MPC1: variants seen among roughly 807,000 people sequenced by gnomAD.
The protein encoded by MPC1 is HSPC040 protein.
MPC1 carries 6 observed loss-of-function variants against 13.9 expected under a neutral mutation model. The ratio of observed to expected loss-of-function variants is 0.43; its 90% CI spans 0.24 to 0.85. The LOEUF is 0.85. MPC1 is among the 40% of genes least tolerant of loss of function. The pLI is 0.24. For synonymous variants in MPC1, 47 were observed against 50.5 expected (o/e 0.93, Z 0.29); for missense variants, 115 against 143.3 (o/e 0.80, Z 1.01).
chr6:166,372,616 C>T (rs1321892599), intron 1 of MPC1, among the ~76,000 whole-genome samples: 2 of 152,014 alleles, frequency 1.3e-5, no homozygotes, highest in Non-Finnish European at 2.9e-5. Context: ...ACTCAACATC[C>T]CTCAATTCTA....
intron 1 of MPC1, among the ~76,000 whole-genome samples, chr6:166,373,030 T>C (rs1202555310): frequency 6.6e-6 from 1 of 152,120 alleles, no homozygotes; most frequent in African/African-American, 2.4e-5. Context: ...CACAGTAAAA[T>C]TGAACCAAAG....
At chr6:166,368,479 G>A (rs760296506) in intron 2 of MPC1, among the ~76,000 whole-genome samples, 22 of 151,662 alleles carry the variant, frequency 1.5e-4, no homozygotes, top group Non-Finnish European at 3.1e-4. Flanking sequence ...GCTTGAACCC[G>A]GGAGGTGAAG....
chr6:166,382,337 T>C (rs1779823883), intron 1 of MPC1, among the ~76,000 whole-genome samples: 1 of 150,730 alleles, frequency 6.6e-6, no homozygotes, highest in Non-Finnish European at 1.5e-5. Context: ...GCGTCCACTG[T>C]TATGCCTACC....
intron 1 of MPC1, among the ~76,000 whole-genome samples, chr6:166,375,937 C>A (rs1457875319): frequency 6.6e-6 from 1 of 152,132 alleles, no homozygotes; most frequent in Non-Finnish European, 1.5e-5. Context: ...TATGTCCGTA[C>A]TGATTTTCTA....
In MPC1 at chr6:166,366,900, A is replaced by C; in HGVS notation, c.76-9T>G. The C allele has an allele frequency of 1.2e-6, 2 of 1,613,968 alleles. No homozygotes were observed. Among genetic ancestry groups the C allele is most frequent in the South Asian group, 2.2e-5 (2 of 91,076 alleles). ...ACTGGGCCCCAGAAGTGCTACAAAA[A>C]ATGAGAGGAAAAGAATGAAGAGAGG... On this transcript the variant is annotated splice_polypyrimidine_tract_variant and intron_variant, in intron 2 of 4. Transcript: ENST00000360961.
chr6:166,381,920 G>T, intron 1 of MPC1: 1 of 665,612 alleles, frequency 1.5e-6, no homozygotes, highest in Non-Finnish European at 1.9e-6. Flanking sequence ...TATTTCCGCT[G>T]TCCCAGAAGC....
At chr6:166,374,589 T>C (rs1779503120) in intron 1 of MPC1, among the ~76,000 whole-genome samples, 1 of 152,224 alleles carries the variant, frequency 6.6e-6, no homozygotes, top group Non-Finnish European at 1.5e-5. Context: ...CCTTTTTGGG[T>C]GAATTTTTGT....
At chr6:166,367,135 C>T (rs1246142186) in intron 2 of MPC1, 5 of 1,328,954 alleles carry the variant, frequency 3.8e-6, no homozygotes, top group African/African-American at 1.5e-5. Context: ...TGGCAGCTTC[C>T]CAAGGTCCCT....
chr6:166,369,011 G>C, intron 2 of MPC1: 1 of 877,284 alleles, frequency 1.1e-6, no homozygotes, highest in Non-Finnish European at 1.4e-6. Flanking sequence ...TTGTGAATGT[G>C]TCTTCTTTCA....
chr6:166,377,526 AACTT>A (rs1406743601), intron 1 of MPC1, among the ~76,000 whole-genome samples: 1 of 152,238 alleles, frequency 6.6e-6, no homozygotes, highest in Non-Finnish European at 1.5e-5. Context: ...AGTAATTTAT[AACTT>A]ACTTATGTAG....
intron 1 of MPC1, among the ~76,000 whole-genome samples, chr6:166,374,889 T>C (rs1300407128): frequency 6.6e-6 from 1 of 152,224 alleles, no homozygotes; most frequent in Non-Finnish European, 1.5e-5. Context: ...CCTCCAACTT[T>C]GTTCTCCTCC....
intron 1 of MPC1, among the ~76,000 whole-genome samples, chr6:166,370,644 A>G (rs1779344261): frequency 6.6e-6 from 1 of 152,238 alleles, no homozygotes; most frequent in Non-Finnish European, 1.5e-5. Flanking sequence ...GCTTGAGGCC[A>G]GGAATTCACT....
chr6:166,366,894 A>G lies in MPC1; in HGVS notation c.76-3T>C, dbSNP rs1229983435. The G allele has an allele frequency of 1.9e-6, 3 of 1,613,938 alleles. No individual in the cohort carries two copies. The highest frequency in any genetic ancestry group is 1.7e-6 in the Non-Finnish European group (2 of 1,179,902). On this transcript the variant is annotated splice_polypyrimidine_tract_variant and splice_region_variant and intron_variant, in intron 2 of 4. Coordinates refer to ENST00000360961, the MANE Select transcript of MPC1 (RefSeq NM_016098.4). Reference sequence around the variant, plus strand: ...TTGGCTACTGGGCCCCAGAAGTGCTACAAAAAATGAGAGGAAAAGAATGAA... The same window carrying G: ...TTGGCTACTGGGCCCCAGAAGTGCTGCAAAAAATGAGAGGAAAAGAATGAA...
At chr6:166,366,335 T>C (rs1178222031) in intron 3 of MPC1, among the ~76,000 whole-genome samples, 1 of 152,252 alleles carries the variant, frequency 6.6e-6, no homozygotes, top group Non-Finnish European at 1.5e-5. Flanking sequence ...TTAAGGAACA[T>C]ATTTCCGAGC....
At chr6:166,367,115 A>G in intron 2 of MPC1, 1 of 1,373,534 alleles carries the variant, frequency 7.3e-7, no homozygotes, top group South Asian at 1.4e-5. Flanking sequence ...GCCCAGAGCT[A>G]GAAAGGGTTT....
intron 1 of MPC1, among the ~76,000 whole-genome samples, chr6:166,377,889 CA>C (rs1442511219): frequency 6.6e-6 from 1 of 152,212 alleles, no homozygotes; most frequent in Non-Finnish European, 1.5e-5. Context: ...GGGAAGTGCT[CA>C]AAGAGTCCAA....
At chr6:166,380,378 G>A (rs1219933094) in intron 1 of MPC1, among the ~76,000 whole-genome samples, 1 of 152,114 alleles carries the variant, frequency 6.6e-6, no homozygotes, top group Non-Finnish European at 1.5e-5. Flanking sequence ...TCTTAGTGTG[G>A]TGCTCTACCA....
chr6:166,377,393 G>GAGGCAGGC (rs1361043714), intron 1 of MPC1, among the ~76,000 whole-genome samples: 1 of 152,190 alleles, frequency 6.6e-6, no homozygotes, highest in Non-Finnish European at 1.5e-5. Context: ...GGCAGAAGTG[G>GAGGCAGGC]AGGCAGGCAG....
chr6:166,379,774 T>C (rs1195952274), intron 1 of MPC1, among the ~76,000 whole-genome samples: 2 of 152,204 alleles, frequency 1.3e-5, no homozygotes, highest in Non-Finnish European at 1.5e-5. Flanking sequence ...TGTTTCTGAT[T>C]AGAAGAAAAG....
Sources: gnomAD v4.1 joint callset for allele counts (sites outside exome capture counted in the v4.1 genomes callset) on GRCh38, gnomAD v4.1.1 for gene constraint, MANE v1.5 for transcripts, NCBI Gene and HGNC (gene_info 2026-07-23, HGNC 2026-07-21) for gene names.